NAV2: variants seen among roughly 807,000 people sequenced by gnomAD.
The protein encoded by NAV2 is helicase, APC down-regulated 1.
In NAV2, 54 loss-of-function variants were observed where a neutral mutation model predicts 223.2. The ratio of observed to expected loss-of-function variants is 0.24; its 90% CI spans 0.19 to 0.30. The LOEUF is 0.30. NAV2 is among the 10% of genes least tolerant of loss of function. The probability of loss-of-function intolerance (pLI) is 1.00; values close to 1 mark genes in which losing one functional copy is unlikely to be tolerated. For missense variants in NAV2, 2,806 were observed against 3,147.5 expected (o/e 0.89, Z 2.60); for synonymous variants, 1,279 against 1,239.3 (o/e 1.03, Z -0.67).
intron 1 of NAV2, among the ~76,000 whole-genome samples, chr11:19,782,320 TAAAG>T (rs1251024285): frequency 1.3e-5 from 2 of 152,128 alleles, no homozygotes; most frequent in African/African-American, 4.8e-5. Context: ...ACTAGGAAAA[TAAAG>T]AAAGGAATAT....
intron 11 of NAV2, among the ~76,000 whole-genome samples, chr11:19,993,610 T>C (rs2051562400): frequency 6.6e-6 from 1 of 151,890 alleles, no homozygotes; most frequent in Non-Finnish European, 1.5e-5. Flanking sequence ...CGCCTTATCA[T>C]GCAGTTCATC....
At chr11:20,084,753 A>T (rs2060311956) in intron 26 of NAV2, among the ~76,000 whole-genome samples, 1 of 152,166 alleles carries the variant, frequency 6.6e-6, no homozygotes, top group East Asian at 1.9e-4. Flanking sequence ...ACATGCCATC[A>T]TCCCAAAGCA....
intron 3 of NAV2, among the ~76,000 whole-genome samples, chr11:19,851,008 C>A (rs927087749): frequency 2.0e-5 from 3 of 152,144 alleles, no homozygotes; most frequent in Non-Finnish European, 4.4e-5. Context: ...CACCTTTGTC[C>A]CTGACTTTCC....
chr11:19,643,124 A>G (rs986185913), intron 1 of NAV2, among the ~76,000 whole-genome samples: 6 of 152,114 alleles, frequency 3.9e-5, no homozygotes, highest in African/African-American at 1.4e-4. Context: ...ACACAATTAT[A>G]TATATACATG....
intron 1 of NAV2, among the ~76,000 whole-genome samples, chr11:19,661,053 T>C (rs562347058): frequency 6.6e-6 from 1 of 152,304 alleles, no homozygotes; most frequent in African/African-American, 2.4e-5. Flanking sequence ...AACTTTTTCA[T>C]CTTCCCAAAC....
intron 1 of NAV2, among the ~76,000 whole-genome samples, chr11:19,522,674 G>A (rs2043704078): frequency 6.6e-6 from 1 of 152,184 alleles, no homozygotes; most frequent in South Asian, 2.1e-4. Flanking sequence ...TGTTGGGCAT[G>A]CCTTTCTTCA....
intron 1 of NAV2, among the ~76,000 whole-genome samples, chr11:19,780,767 A>G (rs1055755369): frequency 4.6e-5 from 7 of 152,254 alleles, no homozygotes; most frequent in African/African-American, 1.7e-4. Context: ...ATGATGACGG[A>G]CGAGATGAAC....
chr11:19,933,026 A>G lies in NAV2; in HGVS notation c.932-150A>G. ...GGAGGAAGTCAAGCCAGAAATTAAA[A>G]CCTAACCACAGATAATCCACAAAGT... On this transcript the variant is annotated intron_variant, in intron 6 of 37. Transcript: ENST00000349880. This position sits in a 1 kb window ranked among gnomAD's most constrained non-coding sequence, Gnocchi z 4.3. 1.0e-6 allele frequency: 1 copy of G among 975,064 alleles called. No individual in the cohort carries two copies. The allele number at this position is 975,064 out of a possible 1,614,324, so 60.4% of individuals were successfully genotyped here.
intron 1 of NAV2, among the ~76,000 whole-genome samples, chr11:19,818,539 A>G (rs1429242417): frequency 1.3e-5 from 2 of 152,212 alleles, no homozygotes; most frequent in African/African-American, 2.4e-5. Flanking sequence ...AATATTTACT[A>G]TCACTTTAAA....
intron 1 of NAV2, among the ~76,000 whole-genome samples, chr11:19,785,718 G>A (rs897979587): frequency 2.6e-5 from 4 of 151,682 alleles, no homozygotes; most frequent in Non-Finnish European, 4.4e-5. Flanking sequence ...GCCACTGTAT[G>A]GGGAGGAGTG....
chr11:19,670,135 T>A (rs2048539243), intron 1 of NAV2, among the ~76,000 whole-genome samples: 1 of 152,166 alleles, frequency 6.6e-6, no homozygotes, highest in South Asian at 2.1e-4. Flanking sequence ...GCACACTGTG[T>A]TGCCTCTACT....
intron 1 of NAV2, among the ~76,000 whole-genome samples, chr11:19,468,172 G>A (rs1590264097): frequency 6.6e-6 from 1 of 152,322 alleles, no homozygotes; most frequent in Admixed American, 6.5e-5. Context: ...CACTTGCTGC[G>A]TGATCTTGGG....
At chr11:20,092,430 G>A in intron 28 of NAV2, 62 bp downstream of exon 28, 1 of 1,530,902 alleles carries the variant, frequency 6.5e-7, no homozygotes, top group Admixed American at 1.9e-5. Flanking sequence ...TGATCTCTAA[G>A]CGAGAACCCC....
rs1408021627 is a variant in NAV2 at position 19,934,043 on chromosome 11, A to G, written c.1799A>G (p.Gln600Arg). 6.2e-7 allele frequency: 1 copy of G among 1,601,794 alleles called. No individual in the cohort carries two copies. Among genetic ancestry groups the G allele is most frequent in the South Asian group, 1.1e-5 (1 of 89,134 alleles). ...RSGKLSSGLPQQKPQLDGRHS... is the reference protein window; with the variant it reads ...RSGKLSSGLPRQKPQLDGRHS... The stretch of plus-strand genomic sequence containing the variant: ...GGGAAGCTGAGCTCAGGACTCCCCC[A>G]GCAGAAGCCCCAGCTGGACGGCAGA... Residue 600 changes from glutamine to arginine, a missense_variant, in exon 7 of 38, where the codon CAG becomes CGG. Gln to Arg is a conservative substitution (Grantham distance 43). Around this residue, in one of 4 missense-constraint regions of NAV2, gnomAD observed 1,167 missense variants for 1,180.5 expected, o/e 0.99. Coordinates refer to ENST00000349880, the MANE Select transcript of NAV2 (RefSeq NM_145117.5).
chr11:19,956,398 T>G (rs201899105), intron 10 of NAV2, among the ~76,000 whole-genome samples: 6 of 141,206 alleles, frequency 4.2e-5, no homozygotes, highest in African/African-American at 1.5e-4. Context: ...ACACACACGC[T>G]CTCTCTCTCT....
chr11:19,577,975 T>C (rs914000346), intron 1 of NAV2, among the ~76,000 whole-genome samples: 3 of 152,254 alleles, frequency 2.0e-5, no homozygotes, highest in African/African-American at 4.8e-5. Context: ...AGGCTTTTCA[T>C]GCCTGCAAGG....
chr11:19,786,590 G>C (rs1393121114), intron 1 of NAV2, among the ~76,000 whole-genome samples: 1 of 152,186 alleles, frequency 6.6e-6, no homozygotes, highest in Non-Finnish European at 1.5e-5. Flanking sequence ...TAAGAGTACT[G>C]ATTTTTGCCA....
At chr11:19,539,990 G>A (rs2044297029) in intron 1 of NAV2, among the ~76,000 whole-genome samples, 1 of 152,170 alleles carries the variant, frequency 6.6e-6, no homozygotes, top group African/African-American at 2.4e-5. Context: ...GTGCCAATGG[G>A]AGTTATGTGC....
At chr11:19,615,016 G>T (rs941473185) in intron 1 of NAV2, among the ~76,000 whole-genome samples, 1 of 151,996 alleles carries the variant, frequency 6.6e-6, no homozygotes, top group African/African-American at 2.4e-5. Context: ...CCCAAGAGAG[G>T]GGTCATGATG....
Sources: allele counts gnomAD v4.1 joint callset (sites outside exome capture counted in the v4.1 genomes callset), GRCh38; gene constraint gnomAD v4.1.1; regional missense constraint gnomAD v4.1.1; non-coding constraint Gnocchi (gnomAD v3.1); transcripts MANE v1.5; gene names NCBI Gene and HGNC (gene_info 2026-07-23, HGNC 2026-07-21).